Variants in CATSPERB observed in about 807,000 individuals in gnomAD.
CATSPERB encodes catsper channel auxiliary subunit beta, also known as cation channel sperm-associated auxiliary subunit beta.
CATSPERB carries 93 observed loss-of-function variants against 128.3 expected under a neutral mutation model. The ratio of observed to expected loss-of-function variants is 0.72; its 90% CI spans 0.61 to 0.86. CATSPERB has a LOEUF of 0.86. Among genes scored for constraint, CATSPERB ranks in the 40% least tolerant of loss-of-function variants. The pLI is 0.00. For synonymous variants in CATSPERB, 381 were observed against 448.8 expected, an observed-to-expected ratio of 0.85 and a Z score of 1.91; for missense variants, 1,153 against 1,329.5, an observed-to-expected ratio of 0.87 and a Z score of 2.06.
intron 15 of CATSPERB, among the ~76,000 whole-genome samples, chr14:91,640,757 C>A (rs1367955084): frequency 1.4e-5 from 1 of 70,022 alleles, no homozygotes; most frequent in Non-Finnish European, 2.6e-5. Flanking sequence ...TGGGTATATA[C>A]CCAGTAATGG....
At chr14:91,685,573 T>G in intron 10 of CATSPERB, among the ~76,000 whole-genome samples, 1 of 152,158 alleles carries the variant, frequency 6.6e-6, no homozygotes, top group East Asian at 1.9e-4. Flanking sequence ...GAGGCTAGTC[T>G]GGGGGCTCAA....
chr14:91,622,668 C>T (rs1043126774), intron 18 of CATSPERB, among the ~76,000 whole-genome samples: 4 of 152,132 alleles, frequency 2.6e-5, no homozygotes, highest in Admixed American at 2.0e-4. Context: ...CTTAATTATG[C>T]ACACATGCTC....
intron 16 of CATSPERB, among the ~76,000 whole-genome samples, chr14:91,637,795 G>GT (rs5810548): frequency 0.24 from 36,056 of 151,344 alleles, 4,463 homozygotes; most frequent in South Asian, 0.38. Flanking sequence ...TACCTGTAGG[G>GT]TTTTTTTTTC....
intron 3 of CATSPERB, among the ~76,000 whole-genome samples, chr14:91,723,769 A>G (rs1896071617): frequency 6.6e-6 from 1 of 152,150 alleles, no homozygotes. Flanking sequence ...CCTTCCTATG[A>G]ATGGTGCTAG....
chr14:91,685,572 C>T, intron 10 of CATSPERB, among the ~76,000 whole-genome samples: 1 of 152,128 alleles, frequency 6.6e-6, no homozygotes, highest in East Asian at 1.9e-4. Flanking sequence ...TGAGGCTAGT[C>T]TGGGGGCTCA....
intron 15 of CATSPERB, among the ~76,000 whole-genome samples, chr14:91,649,370 G>T (rs1358531240): frequency 3.3e-5 from 5 of 149,906 alleles, no homozygotes; most frequent in African/African-American, 5.0e-5. Flanking sequence ...TGTAGAGATT[G>T]TTGCCCCGGC....
chr14:91,678,097 G>A (rs1895220907), intron 11 of CATSPERB, among the ~76,000 whole-genome samples: 1 of 152,164 alleles, frequency 6.6e-6, no homozygotes, highest in South Asian at 2.1e-4. Context: ...GGCAAGGGGG[G>A]AGAGAGCATT....
rs774437822 is a variant in CATSPERB at position 91,580,933 on chromosome 14, T to G, written c.3307A>C (p.Ile1103Leu). ...CTATGAATCAGCTCACTGAGAGAGA[T>G]ACTTGAAAACTTCTCTTGGTTTCTT... ...IRRNQEKFSS[I>L]SLSELIHRSK... Residue 1103 changes from isoleucine (I) to leucine (L), a missense_variant, in exon 27 of 27, where the codon ATC (isoleucine) becomes CTC (leucine). Transcript: ENST00000256343. 6.2e-6 allele frequency: 10 copies of G among 1,614,150 alleles called. No homozygotes were observed. The highest frequency in any genetic ancestry group is 8.5e-6 in the Non-Finnish European group (10 of 1,180,046).
At chr14:91,722,762 T>C (rs1245984548) in intron 4 of CATSPERB, among the ~76,000 whole-genome samples, 3 of 151,910 alleles carry the variant, frequency 2.0e-5, no homozygotes, top group East Asian at 3.8e-4. Context: ...CTGTAAGAAA[T>C]GCTAAAAGAA....
At chr14:91,684,605 C>CTTT (rs1160778932) in intron 10 of CATSPERB, among the ~76,000 whole-genome samples, 19 of 112,282 alleles carry the variant, frequency 1.7e-4, no homozygotes, top group Admixed American at 2.8e-4. Flanking sequence ...GGAGACACTT[C>CTTT]TTTTTTTTTT....
chr14:91,715,978 A>G (rs887752691), intron 5 of CATSPERB, among the ~76,000 whole-genome samples: 3 of 152,260 alleles, frequency 2.0e-5, no homozygotes, highest in Non-Finnish European at 4.4e-5. Context: ...GTAAACTTCT[A>G]GAAGAAAATA....
At chr14:91,602,529 A>G (rs756739206) in intron 22 of CATSPERB, among the ~76,000 whole-genome samples, 41 of 152,286 alleles carry the variant, frequency 2.7e-4, no homozygotes, top group Non-Finnish European at 5.3e-4. Flanking sequence ...ACGAGAGTAC[A>G]TAAGAGAGAT....
chr14:91,716,690 T>C (rs1007047980), intron 5 of CATSPERB, among the ~76,000 whole-genome samples: 97 of 151,312 alleles, frequency 6.4e-4, no homozygotes, highest in African/African-American at 2.3e-3. Flanking sequence ...TACATACTTA[T>C]ATGCATACAT....
chr14:91,706,031 T>C (rs7144247), intron 6 of CATSPERB, among the ~76,000 whole-genome samples: 1,730 of 152,274 alleles, frequency 0.011, 35 homozygotes, highest in African/African-American at 0.039. Flanking sequence ...ATTTCAAAAA[T>C]AGTCAAAGGA....
In CATSPERB at chr14:91,604,796, G is replaced by A; in HGVS notation, c.2709+3498C>T. ...CCAGTGGTAGGAAGAGTAGAGGCTG[G>A]GGTAGGTAGGTGCTGAGGCCTTCTG... is the stretch of plus-strand genomic sequence containing the variant. On this transcript the variant is annotated intron_variant, in intron 22 of 26. Transcript: ENST00000256343. 5 of 1,609,118 alleles carry A rather than the reference G, an allele frequency of 3.1e-6. No homozygotes were observed. The South Asian group carries it at 4.4e-5, about 14-fold the overall frequency.
At chr14:91,682,582 T>A (rs1358085875) in intron 11 of CATSPERB, among the ~76,000 whole-genome samples, 1 of 152,222 alleles carries the variant, frequency 6.6e-6, no homozygotes, top group African/African-American at 2.4e-5. Flanking sequence ...AGTTGGCCCT[T>A]CCTATCCTTT....
At chr14:91,600,909 C>A (rs990533948) in intron 22 of CATSPERB, among the ~76,000 whole-genome samples, 1 of 152,198 alleles carries the variant, frequency 6.6e-6, no homozygotes, top group Non-Finnish European at 1.5e-5. Flanking sequence ...CTTTTACCTT[C>A]GGTGTATTTG....
intron 4 of CATSPERB, 91 bp from the exon 5 acceptor site, chr14:91,719,569 C>A: frequency 1.1e-6 from 1 of 934,614 alleles, no homozygotes. Context: ...GAGAATTAAA[C>A]AAAAACATCC....
At chr14:91,596,417 A>C (rs1595139046) in intron 22 of CATSPERB, among the ~76,000 whole-genome samples, 1 of 152,218 alleles carries the variant, frequency 6.6e-6, no homozygotes. Context: ...GTTAGCCAGG[A>C]TGGTCTCAAT....
Sources: allele counts gnomAD v4.1 joint callset (sites outside exome capture counted in the v4.1 genomes callset), GRCh38; gene constraint gnomAD v4.1.1; transcripts MANE v1.5; gene names NCBI Gene and HGNC (gene_info 2026-07-23, HGNC 2026-07-21).